EPB42: variants seen among roughly 807,000 people sequenced by gnomAD.
EPB42 encodes erythrocyte membrane protein band 4.2.
In EPB42, 49 loss-of-function variants were observed where a neutral mutation model predicts 76.9. The ratio of observed to expected loss-of-function variants is 0.64; its 90% confidence interval spans 0.51 to 0.81. The LOEUF is 0.81. EPB42 is among the 30% of genes least tolerant of loss of function. The pLI is 0.00. For missense variants in EPB42, 731 were observed against 867.6 expected (o/e 0.84, Z 1.98); for synonymous variants, 310 against 338.4 (o/e 0.92, Z 0.92).
intron 4 of EPB42, among the ~76,000 whole-genome samples, chr15:43,210,747 C>T (rs1280621246): frequency 6.6e-6 from 1 of 152,228 alleles, no homozygotes; most frequent in Non-Finnish European, 1.5e-5. Flanking sequence ...GCACTGCATT[C>T]CATTTCCATT....
chr15:43,220,602 G>A (rs2042443077), intron 1 of EPB42: 5 of 924,874 alleles, frequency 5.4e-6, no homozygotes, highest in Admixed American at 1.8e-5. Context: ...ATCACACCAC[G>A]CTCCACAGCC....
rs2042217395 is a variant in EPB42, at chr15:43,207,198, C to T, written c.1318+1G>A. 6 of 1,614,134 alleles carry T rather than the reference C, an allele frequency of 3.7e-6. No individual in the cohort carries two copies. The highest frequency in any genetic ancestry group is 5.1e-6 in the Non-Finnish European group (6 of 1,180,030). On this transcript the variant is annotated splice_donor_variant, in intron 9 of 12. Coordinates refer to ENST00000441366, the MANE Select transcript of EPB42 (RefSeq NM_001114134.2). LOFTEE classifies it high-confidence loss of function. ...GCCTGGGGCCCTTCCCTGGCCCGTA[C>T]CTTCAGGATACTTGTAGTTCTGAGT...
chr15:43,210,727 T>C (rs963361156), intron 4 of EPB42, among the ~76,000 whole-genome samples: 5 of 152,174 alleles, frequency 3.3e-5, no homozygotes, highest in Non-Finnish European at 7.4e-5. Flanking sequence ...CTGTACTGTT[T>C]CGTTTCATTG....
At chr15:43,210,821 T>C (rs139476947) in intron 4 of EPB42, among the ~76,000 whole-genome samples, 83 of 152,324 alleles carry the variant, frequency 5.4e-4, no homozygotes, top group African/African-American at 1.9e-3. Flanking sequence ...GCAGCTCCTG[T>C]TCCTGAGGAG....
chr15:43,208,114 TCTA>T (rs1426540891), intron 8 of EPB42, 113 bp downstream of exon 8: 1 of 852,128 alleles, frequency 1.2e-6, no homozygotes, highest in African/African-American at 1.7e-5. Context: ...GCCTCGTGCT[TCTA>T]CTGTTTTCGA....
At position 43,206,196 on chromosome 15, in the gene EPB42, A is replaced by T; in HGVS notation, c.1618+134T>A. 1.1e-6 allele frequency: 1 copy of T among 907,120 alleles called. No homozygotes were observed. Among genetic ancestry groups the T allele is most frequent in the African/African-American group, 1.7e-5 (1 of 59,924 alleles). 56.2% of individuals were successfully genotyped at this position (907,120 alleles called of 1,614,324 possible). On this transcript the variant is annotated intron_variant, in intron 10 of 12. Coordinates refer to ENST00000441366, the MANE Select transcript of EPB42 (RefSeq NM_001114134.2). The surrounding 1 kb of genome is among the most constrained non-coding windows in gnomAD (Gnocchi z 4.7). ...GTTGAATGAATGAATGAGAGAGAAC[A>T]TGAGAGTGAGCAGCAGGGGCTCAAA...
At chr15:43,210,859 C>T (rs902838917) in intron 4 of EPB42, among the ~76,000 whole-genome samples, 1 of 152,220 alleles carries the variant, frequency 6.6e-6, no homozygotes, top group Non-Finnish European at 1.5e-5. Context: ...GAGATGGACA[C>T]GCAGTGCAGC....
intron 3 of EPB42, among the ~76,000 whole-genome samples, chr15:43,214,398 G>C (rs1374702215): frequency 6.6e-6 from 1 of 152,182 alleles, no homozygotes; most frequent in Non-Finnish European, 1.5e-5. Context: ...TCATAGTCTG[G>C]TGAACCGTAG....
intron 3 of EPB42, among the ~76,000 whole-genome samples, chr15:43,212,707 G>A (rs1429182818): frequency 2.6e-5 from 4 of 152,242 alleles, no homozygotes; most frequent in East Asian, 1.9e-4. Flanking sequence ...GTCTCCTCCC[G>A]GTGCCCCTCC....
chr15:43,214,988 G>C lies in EPB42; in HGVS notation c.430+107C>G, dbSNP rs1461987368. 9.5e-6 allele frequency: 9 copies of C among 948,960 alleles called. No homozygotes were observed. The East Asian group carries it at 2.4e-4, about 25-fold the overall frequency. 58.8% of individuals were successfully genotyped at this position (948,960 alleles called of 1,614,324 possible). On this transcript the variant is annotated intron_variant, in intron 3 of 12. Transcript: ENST00000441366. ...ACTGGGTGTTGGTGCTGTCCTTAGA[G>C]AGGGCTGCCACAGGGGCCTGGTGCA...
chr15:43,203,699 C>T (rs1272343506), intron 10 of EPB42, among the ~76,000 whole-genome samples: 2 of 152,062 alleles, frequency 1.3e-5, no homozygotes, highest in East Asian at 3.9e-4. Flanking sequence ...GAGGTATCCC[C>T]CCTGCCTAAG....
At chr15:43,216,118 C>T in intron 2 of EPB42, 150 bp downstream of exon 2, 2 of 892,918 alleles carry the variant, frequency 2.2e-6, no homozygotes, top group Non-Finnish European at 3.5e-6. Context: ...TCTCGTGGCA[C>T]CCTCATGACT....
upstream of EPB42, among the ~76,000 whole-genome samples, chr15:43,224,170 C>A (rs2142339134): frequency 6.6e-6 from 1 of 152,324 alleles, no homozygotes; most frequent in African/African-American, 2.4e-5. Context: ...TCCTCACATG[C>A]CCTCTTCCCT....
In EPB42 at chr15:43,211,529, C is replaced by T; in HGVS notation, c.436G>A (p.Ala146Thr). 4 of 1,611,254 alleles carry T rather than the reference C, an allele frequency of 2.5e-6. No individual in the cohort carries two copies. Among genetic ancestry groups the T allele is most frequent in the East Asian group, 2.2e-5 (1 of 44,864 alleles). ...TGAGCCTCATTCTTCAGGAACACAG[C>T]ATCCTCTGGTGAGAGGTGGGTAGGG... The part of the protein sequence containing the change: ...LLFNPWNRED[A>T]VFLKNEAQRM... Residue 146 changes from alanine (A) to threonine (T), a missense_variant, in exon 4 of 13, where the codon GCT becomes ACT. Ala to Thr is a moderately conservative substitution (Grantham distance 58, BLOSUM62 0). Transcript: ENST00000441366.
At chr15:43,204,964 G>GCC (rs34228171) in intron 10 of EPB42, among the ~76,000 whole-genome samples, 2,474 of 120,826 alleles carry the variant, frequency 0.02, 111 homozygotes, top group African/African-American at 0.042. Context: ...TGCCCCCTCC[G>GCC]CCCCCCCCCC....
At chr15:43,213,134 A>T (rs981709830) in intron 3 of EPB42, among the ~76,000 whole-genome samples, 1 of 151,792 alleles carries the variant, frequency 6.6e-6, no homozygotes, top group African/African-American at 2.4e-5. Context: ...TTTATTTTTT[A>T]TTTTTTTGGA....
At chr15:43,225,227 G>A (rs1280296578), upstream of EPB42, among the ~76,000 whole-genome samples, 1 of 152,220 alleles carries the variant, frequency 6.6e-6, no homozygotes, top group South Asian at 2.1e-4. Context: ...TCTAGATAGA[G>A]ACATCAGTGC....
upstream of EPB42, among the ~76,000 whole-genome samples, chr15:43,221,595 A>C (rs2042460985): frequency 6.6e-6 from 1 of 152,020 alleles, no homozygotes; most frequent in Admixed American, 6.6e-5. Flanking sequence ...ATTTGGCCCT[A>C]CCTGGGCTTG....
At chr15:43,204,607 G>A (rs2042172943) in intron 10 of EPB42, among the ~76,000 whole-genome samples, 1 of 151,994 alleles carries the variant, frequency 6.6e-6, no homozygotes, top group African/African-American at 2.4e-5. Context: ...TCCTATTCTA[G>A]TGACTCACCC....
Sources: gnomAD v4.1 joint callset for allele counts (sites outside exome capture counted in the v4.1 genomes callset) on GRCh38, gnomAD v4.1.1 for gene constraint, Gnocchi (gnomAD v3.1) non-coding constraint, MANE v1.5 for transcripts, NCBI Gene and HGNC (gene_info 2026-07-23, HGNC 2026-07-21) for gene names.